Variants in ALDH8A1 observed in about 807,000 individuals in gnomAD.
ALDH8A1 encodes 2-aminomuconic semialdehyde dehydrogenase.
A neutral mutation model predicts 43.3 loss-of-function variants in ALDH8A1; 39 were observed. The observed-to-expected ratio is 0.90, with a 90% confidence interval of 0.70 to 1.18. ALDH8A1 has a LOEUF of 1.18. Among genes scored for constraint, ALDH8A1 ranks in the 50% most tolerant of loss-of-function variants. The probability of loss-of-function intolerance (pLI) is 0.00; values close to 1 mark genes in which losing one functional copy is unlikely to be tolerated. For synonymous variants in ALDH8A1, 233 were observed against 243.5 expected (o/e 0.96, Z 0.40); for missense variants, 605 against 622.6 (o/e 0.97, Z 0.30).
chr6:134,947,178 T>A (rs1166765636), intron 1 of ALDH8A1, among the ~76,000 whole-genome samples: 1 of 152,150 alleles, frequency 6.6e-6, no homozygotes, highest in African/African-American at 2.4e-5. Context: ...GATAACCATA[T>A]GCAGAAGAAT....
intron 3 of ALDH8A1, among the ~76,000 whole-genome samples, chr6:134,941,986 G>A (rs1773864228): frequency 6.6e-6 from 1 of 151,986 alleles, no homozygotes; most frequent in Non-Finnish European, 1.5e-5. Flanking sequence ...TGGGGAGGCC[G>A]AGGCGGGAGG....
chr6:134,926,678 A>T (rs1776888768), intron 6 of ALDH8A1, among the ~76,000 whole-genome samples: 1 of 152,096 alleles, frequency 6.6e-6, no homozygotes, highest in African/African-American at 2.4e-5. Flanking sequence ...GTGTGGTGGC[A>T]CACACCTGTA....
At chr6:134,939,605 T>A (rs962743504) in intron 3 of ALDH8A1, among the ~76,000 whole-genome samples, 190 bp from the exon 4 acceptor site, 12 of 152,278 alleles carry the variant, frequency 7.9e-5, no homozygotes, top group African/African-American at 2.9e-4. Context: ...TCCAAGCAAC[T>A]GTATCTTTTA....
intron 4 of ALDH8A1, among the ~76,000 whole-genome samples, chr6:134,933,824 T>C (rs1270855811): frequency 6.6e-6 from 1 of 152,192 alleles, no homozygotes; most frequent in African/African-American, 2.4e-5. Context: ...TTCTCCTGCC[T>C]CAGCCTCCCG....
At chr6:134,936,347 G>A (rs868405420) in intron 4 of ALDH8A1, among the ~76,000 whole-genome samples, 3 of 152,346 alleles carry the variant, frequency 2.0e-5, no homozygotes, top group Admixed American at 6.5e-5. Context: ...ACTGTCAGAG[G>A]AGTGGCTGGC....
rs191620182 is a variant in ALDH8A1 at position 134,938,683 on chromosome 6, T to C, written c.592+583A>G. Reference sequence around the variant, plus strand: ...ATTTTTTTGAGACGGAGTCTCACTCTGTCGCCCAGGCTGGAGTGCAGTGGT... The same window carrying C: ...ATTTTTTTGAGACGGAGTCTCACTCCGTCGCCCAGGCTGGAGTGCAGTGGT... On this transcript the variant is annotated intron_variant, in intron 4 of 6. Transcript: ENST00000265605. Among the ~76,000 whole-genome samples the C allele has an allele frequency of 2.0e-3, 297 of 152,292 alleles. 1 individual carries two copies. Among genetic ancestry groups the C allele is most frequent in the African/African-American group, 7.0e-3 (293 of 41,570 alleles).
Position 134,932,714 on chromosome 6 carries a change from A to G in ALDH8A1, c.849+62T>C. ...GCTTGCTCCCAGGCATTGCACTGTG[A>G]TAAAACAGATCCAGCTTGACAGGGC... On this transcript the variant is annotated intron_variant, in intron 5 of 6. Coordinates refer to ENST00000265605, the MANE Select transcript of ALDH8A1 (RefSeq NM_022568.4). The G allele has an allele frequency of 1.9e-6, 3 of 1,583,474 alleles. No homozygotes were observed. In the South Asian group the frequency reaches 3.6e-5, roughly 19 times the overall value.
In ALDH8A1 at chr6:134,918,784, G is replaced by A. The variant is rs1279742998; in HGVS notation, c.1095C>T (p.Ala365=). The part of the protein sequence containing the change: ...GEGVDKLSLP[A]RNQAGYFMLP... ...GCATAAAGTAGCCTGCCTGGTTCCT[G>A]GCAGGGAGGCTCAACTTATCCACTC... The change falls in exon 7 of 7, where the codon GCC becomes GCT. Residue 365 remains alanine (A), a synonymous_variant. Coordinates refer to ENST00000265605, the MANE Select transcript of ALDH8A1 (RefSeq NM_022568.4). The A allele has an allele frequency of 1.2e-6, 2 of 1,614,040 alleles. No individual in the cohort carries two copies. The highest frequency in any genetic ancestry group is 1.7e-6 in the Non-Finnish European group (2 of 1,180,032).
At chr6:134,930,747 G>A (rs180737013) in intron 5 of ALDH8A1, among the ~76,000 whole-genome samples, 54 of 152,294 alleles carry the variant, frequency 3.5e-4, no homozygotes, top group African/African-American at 1.3e-3. Flanking sequence ...AGGCTAGAGG[G>A]GTTTACCCAG....
At chr6:134,937,088 A>C (rs1773755308) in intron 4 of ALDH8A1, among the ~76,000 whole-genome samples, 1 of 152,164 alleles carries the variant, frequency 6.6e-6, no homozygotes. Flanking sequence ...GGGCCAGGAA[A>C]ACGCAGTCAG....
At chr6:134,923,329 G>A (rs937667539) in intron 6 of ALDH8A1, among the ~76,000 whole-genome samples, 8 of 150,436 alleles carry the variant, frequency 5.3e-5, no homozygotes, top group African/African-American at 1.0e-4. Flanking sequence ...CGTGCCCAGC[G>A]AAGGTTTATT....
intron 6 of ALDH8A1, among the ~76,000 whole-genome samples, chr6:134,921,014 G>T (rs1244455150): frequency 6.6e-6 from 1 of 152,094 alleles, no homozygotes; most frequent in Non-Finnish European, 1.5e-5. Flanking sequence ...GCTCTTGAGA[G>T]GATTAAATAA....
chr6:134,939,645 A>G (rs1773816817), intron 3 of ALDH8A1, among the ~76,000 whole-genome samples: 1 of 152,246 alleles, frequency 6.6e-6, no homozygotes, highest in African/African-American at 2.4e-5. Flanking sequence ...TGATTTCCCC[A>G]TTTCTTGGCA....
At position 134,939,485 on chromosome 6, in the gene ALDH8A1, T is replaced by C. The variant is rs1468248641; in HGVS notation, c.443-70A>G. ...CTGAGGTGGACTGGCCAAGTGGGGT[T>C]ATTAACGCAAAACTCCTTCATGCTG... On this transcript the variant is annotated intron_variant, in intron 3 of 6. Coordinates refer to ENST00000265605, the MANE Select transcript of ALDH8A1 (RefSeq NM_022568.4). 7.2e-6 allele frequency: 11 copies of C among 1,528,796 alleles called. No individual in the cohort carries two copies. In the South Asian group the frequency reaches 8.4e-5, roughly 12 times the overall value. The allele number at this position is 1,528,796 out of a possible 1,614,324, so 94.7% of individuals were successfully genotyped here. A position where few individuals can be genotyped will look rare whatever the true frequency, so the allele number is the denominator to read the frequency against.
At chr6:134,939,479 T>A in intron 3 of ALDH8A1, 64 bp from the exon 4 acceptor site, 1 of 1,551,266 alleles carries the variant, frequency 6.4e-7, no homozygotes, top group Non-Finnish European at 8.7e-7. Context: ...ACTGGCCAAG[T>A]GGGGTTATTA....
chr6:134,938,759 T>A (rs573252823), intron 4 of ALDH8A1, among the ~76,000 whole-genome samples: 1 of 152,282 alleles, frequency 6.6e-6, no homozygotes, highest in African/African-American at 2.4e-5. Context: ...GCCATTCTCC[T>A]GCCTCAGTCT....
intron 6 of ALDH8A1, among the ~76,000 whole-genome samples, chr6:134,926,083 G>C (rs1023475842): frequency 6.6e-6 from 1 of 151,958 alleles, no homozygotes. Context: ...AGTAACATGG[G>C]GTATGACCAT....
chr6:134,947,227 C>A (rs1773969288), intron 1 of ALDH8A1, among the ~76,000 whole-genome samples: 3 of 152,092 alleles, frequency 2.0e-5, no homozygotes, highest in Admixed American at 2.0e-4. Context: ...CAAATCAAAA[C>A]AGATTAAAGA....
At chr6:134,931,197 G>A (rs533160277) in intron 5 of ALDH8A1, among the ~76,000 whole-genome samples, 174 of 152,212 alleles carry the variant, frequency 1.1e-3, no homozygotes, top group Middle Eastern at 6.8e-3. Context: ...AACTCAAATC[G>A]TAGCACAATT....
Sources: gnomAD v4.1 joint callset for allele counts (sites outside exome capture counted in the v4.1 genomes callset) on GRCh38, gnomAD v4.1.1 for gene constraint, MANE v1.5 for transcripts, NCBI Gene and HGNC (gene_info 2026-07-23, HGNC 2026-07-21) for gene names.